Variants in ADGRB3 observed in about 807,000 individuals in gnomAD.
ADGRB3 encodes the protein brain-specific angiogenesis inhibitor 3.
ADGRB3 carries 37 observed loss-of-function variants against 193.4 expected under a neutral mutation model. The ratio of observed to expected loss-of-function variants is 0.19; its 90% CI spans 0.15 to 0.25. The LOEUF is 0.25. Ranked by LOEUF, ADGRB3 falls within the 10% of genes least tolerant of loss-of-function variation. The pLI, the probability that ADGRB3 is intolerant of heterozygous loss-of-function variation, is 1.00. For synonymous variants in ADGRB3, 690 were observed against 644.2 expected, an observed-to-expected ratio of 1.07 and a Z score of -1.08; for missense variants, 1,637 against 1,852.9, an observed-to-expected ratio of 0.88 and a Z score of 2.14.
At chr6:68,911,229 G>A (rs936678358) in intron 3 of ADGRB3, among the ~76,000 whole-genome samples, 4 of 134,136 alleles carry the variant, frequency 3.0e-5, no homozygotes, top group African/African-American at 1.1e-4. Flanking sequence ...GGAAAACATG[G>A]ACACAGGAAG....
At chr6:69,358,704 A>G (rs942397476) in intron 28 of ADGRB3, among the ~76,000 whole-genome samples, 6 of 151,774 alleles carry the variant, frequency 4.0e-5, no homozygotes, top group African/African-American at 1.5e-4. Flanking sequence ...CAGTTGCTTT[A>G]TATTTTGTTT....
At chr6:69,238,096 A>G (rs976668185) in intron 19 of ADGRB3, among the ~76,000 whole-genome samples, 2 of 151,948 alleles carry the variant, frequency 1.3e-5, no homozygotes, top group Non-Finnish European at 2.9e-5. Context: ...AAAGACAGGG[A>G]GAGAGAGAGA....
intron 17 of ADGRB3, among the ~76,000 whole-genome samples, chr6:69,179,567 CA>C (rs2150350870): frequency 6.6e-6 from 1 of 152,302 alleles, no homozygotes; most frequent in South Asian, 2.1e-4. Flanking sequence ...TTCATGGTGC[CA>C]GAATTCTTGA....
chr6:69,382,588 C>T (rs1234691963), intron 30 of ADGRB3, among the ~76,000 whole-genome samples: 2 of 151,542 alleles, frequency 1.3e-5, no homozygotes, highest in African/African-American at 4.8e-5. Context: ...TTAATGTACC[C>T]ACAACAAAAC....
At chr6:69,095,124 T>A (rs1582456511) in intron 17 of ADGRB3, among the ~76,000 whole-genome samples, 1 of 152,200 alleles carries the variant, frequency 6.6e-6, no homozygotes, top group South Asian at 2.1e-4. Flanking sequence ...AATTGAATGG[T>A]CTTATCATTT....
chr6:69,056,876 A>T (rs1771559052), intron 15 of ADGRB3, among the ~76,000 whole-genome samples: 1 of 152,078 alleles, frequency 6.6e-6, no homozygotes, highest in South Asian at 2.1e-4. Flanking sequence ...TTGAAAATAG[A>T]GAATACCTTT....
Position 69,233,304 on chromosome 6 carries a change from G to C in ADGRB3, c.2495G>C (p.Gly832Ala). 1.9e-6 allele frequency: 3 copies of C among 1,613,640 alleles called. No individual in the cohort carries two copies. The highest frequency in any genetic ancestry group is 2.5e-6 in the Non-Finnish European group (3 of 1,179,850). ...CCCCTTTGCAGGAACGAGTCTTTGGGAACGTGGTCCACCCAGGGATGTAAA... is the reference window on the plus strand; with the variant it reads ...CCCCTTTGCAGGAACGAGTCTTTGGCAACGTGGTCCACCCAGGGATGTAAA... Reference protein sequence around the residue: ...WDDSKTNESLGTWSTQGCKTV... With the variant: ...WDDSKTNESLATWSTQGCKTV... Residue 832 changes from glycine to alanine, a missense_variant, in exon 18 of 32, where the codon GGA becomes GCA. Physicochemically the swap from Gly to Ala is moderately conservative, Grantham distance 60. Around this residue, in one of 7 missense-constraint regions of ADGRB3, gnomAD observed 641 missense variants for 673.9 expected, o/e 0.95. Coordinates refer to ENST00000370598, the MANE Select transcript of ADGRB3 (RefSeq NM_001704.3).
chr6:68,683,492 T>C (rs372491589), intron 3 of ADGRB3, among the ~76,000 whole-genome samples: 4 of 152,182 alleles, frequency 2.6e-5, no homozygotes, highest in Admixed American at 2.6e-4. Context: ...AAGCAACTAG[T>C]GCAGTGATTG....
intron 8 of ADGRB3, among the ~76,000 whole-genome samples, chr6:68,967,340 T>C (rs1336928226): frequency 6.6e-6 from 1 of 152,184 alleles, no homozygotes; most frequent in African/African-American, 2.4e-5. Flanking sequence ...TAGAAAGATG[T>C]GGTTGGTCAA....
At chr6:69,096,067 T>G (rs964895877) in intron 17 of ADGRB3, among the ~76,000 whole-genome samples, 1 of 152,222 alleles carries the variant, frequency 6.6e-6, no homozygotes, top group Admixed American at 6.5e-5. Context: ...TGGCTTACAT[T>G]TCATTTTTTT....
chr6:68,987,056 CT>C (rs1040819063), intron 10 of ADGRB3, among the ~76,000 whole-genome samples: 1 of 152,042 alleles, frequency 6.6e-6, no homozygotes, highest in African/African-American at 2.4e-5. Flanking sequence ...CACTGTTGAT[CT>C]TCTCAATAGT....
intron 11 of ADGRB3, among the ~76,000 whole-genome samples, chr6:69,006,697 C>A (rs6920896): frequency 0.4 from 59,931 of 149,310 alleles, 12,522 homozygotes; most frequent in Middle Eastern, 0.45. Context: ...TAGTAGAGAC[C>A]GAGTTTCACC....
Position 69,306,848 on chromosome 6 carries a change from C to G in ADGRB3, c.2815-18024C>G, listed in dbSNP as rs186119700. Among the ~76,000 whole-genome samples the G allele has an allele frequency of 7.7e-4, 116 of 151,484 alleles. 4 individuals carry two copies. The highest frequency in any genetic ancestry group is 7.6e-3 in the Admixed American group (115 of 15,180). On this transcript the variant is annotated intron_variant, in intron 20 of 31. Transcript: ENST00000370598. ...TGGGAGAGGACAGGGCCCATTGGAA[C>G]ATGAAAAGGTGTATCACAGATTTAA... is the stretch of plus-strand genomic sequence containing the variant.
At chr6:68,734,484 A>G (rs902105985) in intron 3 of ADGRB3, among the ~76,000 whole-genome samples, 2 of 152,042 alleles carry the variant, frequency 1.3e-5, no homozygotes, top group Non-Finnish European at 2.9e-5. Context: ...ATATAATGGG[A>G]AAACACAGGA....
Position 69,215,515 on chromosome 6 carries a change from T to C in ADGRB3, c.2481-17775T>C, listed in dbSNP as rs151070613. On this transcript the variant is annotated intron_variant, in intron 17 of 31. Coordinates refer to ENST00000370598, the MANE Select transcript of ADGRB3 (RefSeq NM_001704.3). ...ATGTAGATAGATATATCTCTATAGA[T>C]AATTCAGTCCTTTTATGAAATATCC... 2.7e-3 allele frequency among the ~76,000 whole-genome samples: 417 copies of C among 152,026 alleles called. 3 individuals are homozygous for C. Among genetic ancestry groups the C allele is most frequent in the African/African-American group, 9.3e-3 (386 of 41,502 alleles).
At chr6:68,894,848 C>T (rs1218487532) in intron 3 of ADGRB3, among the ~76,000 whole-genome samples, 1 of 151,858 alleles carries the variant, frequency 6.6e-6, no homozygotes, top group African/African-American at 2.4e-5. Flanking sequence ...TATTAATCCT[C>T]TTGCTATGTG....
At chr6:68,682,154 T>C (rs960022183) in intron 3 of ADGRB3, among the ~76,000 whole-genome samples, 7 of 152,228 alleles carry the variant, frequency 4.6e-5, no homozygotes, top group African/African-American at 1.7e-4. Context: ...CAAAACCCAC[T>C]GTGGGTCAGA....
chr6:68,696,440 C>A (rs750516383), intron 3 of ADGRB3, among the ~76,000 whole-genome samples: 100 of 150,804 alleles, frequency 6.6e-4, no homozygotes, highest in Non-Finnish European at 1.2e-3. Flanking sequence ...AAAAAAAAAA[C>A]CTATGGGATT....
chr6:69,100,066 T>C (rs918973788), intron 17 of ADGRB3, among the ~76,000 whole-genome samples: 3 of 152,208 alleles, frequency 2.0e-5, no homozygotes, highest in Non-Finnish European at 4.4e-5. Flanking sequence ...CTTAAACAAA[T>C]TAACTCATAG....
Sources: allele counts gnomAD v4.1 joint callset (sites outside exome capture counted in the v4.1 genomes callset), GRCh38; gene constraint gnomAD v4.1.1; regional missense constraint gnomAD v4.1.1; transcripts MANE v1.5; gene names NCBI Gene and HGNC (gene_info 2026-07-23, HGNC 2026-07-21).